The following HECW1 variants were observed in gnomAD, a reference collection of about 807,000 sequenced individuals.
The protein encoded by HECW1 is E3 ubiquitin-protein ligase HECW1.
In HECW1, 61 loss-of-function variants were observed where a neutral mutation model predicts 182.3. That is an observed-to-expected ratio of 0.33 (90% CI 0.27 to 0.41). The LOEUF (loss-of-function observed/expected upper bound fraction) is 0.41. HECW1 is among the 10% of genes least tolerant of loss of function. The pLI, the probability that HECW1 is intolerant of heterozygous loss-of-function variation, is 1.00. For missense variants in HECW1, 1,739 were observed against 2,108.9 expected, an observed-to-expected ratio of 0.82 and a Z score of 3.44; for synonymous variants, 859 against 832.6, an observed-to-expected ratio of 1.03 and a Z score of -0.55.
At chr7:43,406,659 T>TTGG (rs2075619508) in intron 7 of HECW1, among the ~76,000 whole-genome samples, 1 of 152,174 alleles carries the variant, frequency 6.6e-6, no homozygotes, top group Non-Finnish European at 1.5e-5. Flanking sequence ...GGCTCACACC[T>TTGG]GTAATCCCAA....
At chr7:43,557,382 A>G (rs1411948804) in intron 29 of HECW1, among the ~76,000 whole-genome samples, 1 of 152,274 alleles carries the variant, frequency 6.6e-6, no homozygotes, top group East Asian at 1.9e-4. Context: ...AAACCCGGTC[A>G]TAGCCCAGGC....
chr7:43,269,390 T>A (rs1474259980), intron 3 of HECW1, among the ~76,000 whole-genome samples: 1 of 152,184 alleles, frequency 6.6e-6, no homozygotes, highest in Non-Finnish European at 1.5e-5. Flanking sequence ...ACTGGATGAG[T>A]TGATTCCTCC....
At chr7:43,317,464 T>A (rs1584458118) in intron 4 of HECW1, among the ~76,000 whole-genome samples, 1 of 152,376 alleles carries the variant, frequency 6.6e-6, no homozygotes, top group East Asian at 1.9e-4. Context: ...CCAGAGGCCC[T>A]GCCTAGAGTC....
chr7:43,496,044 A>C (rs2079109756), intron 19 of HECW1, among the ~76,000 whole-genome samples: 1 of 152,030 alleles, frequency 6.6e-6, no homozygotes, highest in Non-Finnish European at 1.5e-5. Context: ...AAGGCAGTAG[A>C]CTGTTTTCAT....
intron 8 of HECW1, among the ~76,000 whole-genome samples, chr7:43,412,425 TTTTATTTA>T (rs200549707): frequency 5.9e-4 from 87 of 147,104 alleles, no homozygotes; most frequent in African/African-American, 1.3e-3. Context: ...TTTTCATTTC[TTTTATTTA>T]TTTATTTATT....
At chr7:43,415,572 G>A (rs1420128498) in intron 8 of HECW1, among the ~76,000 whole-genome samples, 1 of 151,846 alleles carries the variant, frequency 6.6e-6, no homozygotes, top group South Asian at 2.1e-4. Flanking sequence ...CTGAACATTG[G>A]CCTGCCTTGC....
chr7:43,360,896 G>A lies in HECW1; in HGVS notation c.471G>A (p.Lys157=), dbSNP rs1815793913. Residue 157 remains lysine (K), a synonymous_variant, in exon 6 of 30, where the codon AAG becomes AAA. Transcript: ENST00000395891. ...TTGTTTGTCTTTCAGCTGAAACTAAGATCTGCTTCAAATACTACCATGGAG... is the reference window on the plus strand; with the variant it reads ...TTGTTTGTCTTTCAGCTGAAACTAAAATCTGCTTCAAATACTACCATGGAG... ...ASSYFVEPET[K]ICFKYYHGVS... 6.2e-7 allele frequency: 1 copy of A among 1,613,904 alleles called. No homozygotes were observed. The highest frequency in any genetic ancestry group is 1.7e-4 in the Middle Eastern group (1 of 6,060).
chr7:43,313,927 C>G (rs954398222), intron 4 of HECW1, among the ~76,000 whole-genome samples: 2 of 152,050 alleles, frequency 1.3e-5, no homozygotes, highest in Non-Finnish European at 2.9e-5. Flanking sequence ...GTTTAGGCTC[C>G]GAATCTAGGG....
intron 2 of HECW1, among the ~76,000 whole-genome samples, chr7:43,168,247 A>G (rs746082371): frequency 6.6e-6 from 1 of 152,188 alleles, no homozygotes; most frequent in Non-Finnish European, 1.5e-5. Context: ...GACCACAATT[A>G]TATGTTCAGC....
intron 2 of HECW1, among the ~76,000 whole-genome samples, chr7:43,180,701 A>G (rs1016978800): frequency 1.7e-4 from 26 of 152,126 alleles, no homozygotes; most frequent in African/African-American, 5.8e-4. Flanking sequence ...GGCCAGTTTT[A>G]TTTTATTTTT....
chr7:43,161,879 A>G (rs1344585925), intron 2 of HECW1, among the ~76,000 whole-genome samples: 1 of 152,226 alleles, frequency 6.6e-6, no homozygotes, highest in Non-Finnish European at 1.5e-5. Context: ...CTGTGCTATA[A>G]CTGCAATGTG....
rs1007306565 is a variant in HECW1, at chr7:43,469,626, A to G, written c.3099+521A>G. Reference sequence around the variant, plus strand: ...TAGGCCCATGTGATCTTCCTGGCTTACATTTTGCTTCTGTATAACCTTAAC... The same window carrying G: ...TAGGCCCATGTGATCTTCCTGGCTTGCATTTTGCTTCTGTATAACCTTAAC... On this transcript the variant is annotated intron_variant, in intron 16 of 29. Transcript: ENST00000395891. Among the ~76,000 whole-genome samples the G allele has an allele frequency of 9.2e-5, 14 of 152,340 alleles. No individual in the cohort carries two copies. In the East Asian group the frequency reaches 1.5e-3, roughly 17 times the overall value.
intron 23 of HECW1, chr7:43,508,606 A>C: frequency 3.4e-6 from 1 of 293,866 alleles, no homozygotes. Flanking sequence ...ACACACATGC[A>C]TGCACACATT....
chr7:43,404,744 C>A (rs1397414115), intron 7 of HECW1, among the ~76,000 whole-genome samples: 1 of 152,024 alleles, frequency 6.6e-6, no homozygotes, highest in Admixed American at 6.6e-5. Context: ...CTTTGGGAGG[C>A]CGAGGTAGAT....
intron 7 of HECW1, among the ~76,000 whole-genome samples, chr7:43,401,786 G>A (rs1258853955): frequency 6.6e-6 from 1 of 151,680 alleles, no homozygotes; most frequent in Admixed American, 6.6e-5. Flanking sequence ...CCTCAATCCT[G>A]GAAACCCATG....
rs1288484788 is a variant in HECW1 at position 43,135,545 on chromosome 7, T to C, written c.-32+21154T>C. Among the ~76,000 whole-genome samples the C allele has an allele frequency of 3.3e-5, 5 of 152,208 alleles. No homozygotes were observed. The East Asian group carries it at 9.6e-4, about 29-fold the overall frequency. On this transcript the variant is annotated intron_variant, in intron 2 of 29. Transcript: ENST00000395891. Reference sequence around the variant, plus strand: ...ACATAAGAGAAAATAAATATTTCTCTTGACTAAGGAAATGCTCATGGCTTG... The same window carrying C: ...ACATAAGAGAAAATAAATATTTCTCCTGACTAAGGAAATGCTCATGGCTTG...
intron 7 of HECW1, among the ~76,000 whole-genome samples, chr7:43,400,288 C>G (rs1040530104): frequency 6.6e-6 from 1 of 152,036 alleles, no homozygotes; most frequent in Non-Finnish European, 1.5e-5. Context: ...AAAGACAAGA[C>G]AGAAAGATCA....
rs184196949 is a variant in HECW1 at position 43,483,924 on chromosome 7, G to A, written c.3234+4180G>A. ...CTGTGGCAAAGAGCTATTCGAGAGA[G>A]GCCTGCTAGAGACCACTGCCACAAT... is the stretch of plus-strand genomic sequence containing the variant. On this transcript the variant is annotated intron_variant, in intron 17 of 29. Transcript: ENST00000395891. 5.3e-5 allele frequency among the ~76,000 whole-genome samples: 8 copies of A among 152,198 alleles called. 1 individual carries two copies. The highest frequency in any genetic ancestry group is 1.7e-4 in the African/African-American group (7 of 41,524).
intron 27 of HECW1, among the ~76,000 whole-genome samples, chr7:43,551,785 A>G (rs763758246): frequency 3.9e-5 from 6 of 152,072 alleles, no homozygotes; most frequent in Non-Finnish European, 7.4e-5. Flanking sequence ...AGCAACAGAC[A>G]TTTTTTTCTC....
Sources: allele counts gnomAD v4.1 joint callset (sites outside exome capture counted in the v4.1 genomes callset), GRCh38; gene constraint gnomAD v4.1.1; transcripts MANE v1.5; gene names NCBI Gene and HGNC (gene_info 2026-07-23, HGNC 2026-07-21).